Variants in MEIKIN observed in about 807,000 individuals in gnomAD.
MEIKIN encodes meiosis-specific kinetochore protein.
intron 8 of MEIKIN, among the ~76,000 whole-genome samples, chr5:131,905,192 C>T (rs72793241): frequency 0.26 from 39,788 of 151,932 alleles, 5,528 homozygotes; most frequent in East Asian, 0.49. Context: ...TGCTCCTGAA[C>T]GACTTCTGGG....
intron 9 of MEIKIN, among the ~76,000 whole-genome samples, chr5:131,873,531 C>T (rs1042425041): frequency 2.0e-5 from 3 of 152,180 alleles, no homozygotes; most frequent in Non-Finnish European, 4.4e-5. Context: ...GAGACTTAGA[C>T]TCCCACACAA....
At chr5:131,899,709 G>C (rs979527542) in intron 8 of MEIKIN, among the ~76,000 whole-genome samples, 1 of 152,116 alleles carries the variant, frequency 6.6e-6, no homozygotes, top group Non-Finnish European at 1.5e-5. Flanking sequence ...AGACAAAACA[G>C]ATTTCAAGAC....
chr5:131,856,088 T>G (rs1256675078), intron 9 of MEIKIN, among the ~76,000 whole-genome samples: 1 of 152,184 alleles, frequency 6.6e-6, no homozygotes, highest in East Asian at 1.9e-4. Context: ...TAATCTGGAA[T>G]AGTTTATTAG....
intron 9 of MEIKIN, among the ~76,000 whole-genome samples, chr5:131,867,094 T>C (rs1434295446): frequency 6.6e-6 from 1 of 152,212 alleles, no homozygotes; most frequent in Non-Finnish European, 1.5e-5. Flanking sequence ...TCCATGGTCT[T>C]CAACCCATTC....
intron 8 of MEIKIN, among the ~76,000 whole-genome samples, chr5:131,905,100 G>T (rs1294707922): frequency 6.6e-6 from 1 of 152,022 alleles, no homozygotes; most frequent in South Asian, 2.1e-4. Flanking sequence ...TGCACGTTCT[G>T]CACATGTATC....
At chr5:131,885,281 T>G (rs1228950632) in intron 8 of MEIKIN, among the ~76,000 whole-genome samples, 1 of 150,094 alleles carries the variant, frequency 6.7e-6, no homozygotes, top group Non-Finnish European at 1.5e-5. Context: ...GTATTGGGAA[T>G]TGGAGGCCAC....
chr5:131,866,685 G>A (rs1159767380), intron 9 of MEIKIN, among the ~76,000 whole-genome samples: 2 of 152,178 alleles, frequency 1.3e-5, no homozygotes, highest in Non-Finnish European at 2.9e-5. Flanking sequence ...TGCCTCTTCA[G>A]CCCCAGGAGG....
At chr5:131,822,359 TTC>T (rs1312198298) in intron 11 of MEIKIN, among the ~76,000 whole-genome samples, 6 of 152,136 alleles carry the variant, frequency 3.9e-5, no homozygotes, top group African/African-American at 1.4e-4. Flanking sequence ...ACTGACGGTC[TTC>T]TCTTTCTTCT....
chr5:131,870,792 C>A (rs1361030407), intron 9 of MEIKIN, among the ~76,000 whole-genome samples: 1 of 152,174 alleles, frequency 6.6e-6, no homozygotes, highest in Non-Finnish European at 1.5e-5. Flanking sequence ...CTAGTCAAAG[C>A]CACCACTATA....
In MEIKIN at chr5:131,905,994, A is replaced by G. The variant is rs146817897; in HGVS notation, c.703+5821T>C. Among the ~76,000 whole-genome samples the G allele has an allele frequency of 4.0e-3, 609 of 152,342 alleles. 4 individuals carry two copies. The highest frequency in any genetic ancestry group is 0.014 in the African/African-American group (579 of 41,580). On this transcript the variant is annotated intron_variant, in intron 8 of 12. Coordinates refer to ENST00000442687, the MANE Select transcript of MEIKIN (RefSeq NM_001303622.2). ...CAAAGACTTCATAACAATGACGCCAAAAGAAATTGCTATGAGAGCAAAAAT... is the reference window on the plus strand; with the variant it reads ...CAAAGACTTCATAACAATGACGCCAGAAGAAATTGCTATGAGAGCAAAAAT...
intron 12 of MEIKIN, among the ~76,000 whole-genome samples, chr5:131,814,046 T>A (rs1478026746): frequency 1.3e-5 from 2 of 151,950 alleles, no homozygotes; most frequent in Non-Finnish European, 2.9e-5. Context: ...TTTCACATTC[T>A]TCTGCTTGCT....
chr5:131,873,586 T>C lies in MEIKIN; in HGVS notation c.774+5392A>G, dbSNP rs536241697. ...CACCCCACTGTCAACATTAGACAGATCAATGAGACAGAAAGTTAACAAGGA... is the reference window on the plus strand; with the variant it reads ...CACCCCACTGTCAACATTAGACAGACCAATGAGACAGAAAGTTAACAAGGA... On this transcript the variant is annotated intron_variant, in intron 9 of 12. Transcript: ENST00000442687. Among the ~76,000 whole-genome samples, 1,043 of 152,274 alleles carry C rather than the reference T, an allele frequency of 6.8e-3. 3 individuals carry two copies. Among genetic ancestry groups the C allele is most frequent in the Non-Finnish European group, 0.011 (734 of 68,034 alleles).
chr5:131,849,088 G>C (rs1379572614), intron 11 of MEIKIN, among the ~76,000 whole-genome samples: 1 of 152,142 alleles, frequency 6.6e-6, no homozygotes, highest in Non-Finnish European at 1.5e-5. Context: ...GATACGGTTT[G>C]GATTTGTGTC....
At chr5:131,910,353 G>T (rs886844821) in intron 8 of MEIKIN, among the ~76,000 whole-genome samples, 1 of 152,110 alleles carries the variant, frequency 6.6e-6, no homozygotes, top group Non-Finnish European at 1.5e-5. Context: ...TCACTTATTT[G>T]TGGGATCTAA....
chr5:131,890,503 T>C (rs1234207369), intron 8 of MEIKIN, among the ~76,000 whole-genome samples: 5 of 152,236 alleles, frequency 3.3e-5, no homozygotes, highest in East Asian at 1.9e-4. Context: ...TTTATTTGCA[T>C]AGAGGTGTTT....
At chr5:131,882,817 A>G (rs1163075294) in intron 8 of MEIKIN, among the ~76,000 whole-genome samples, 1 of 152,084 alleles carries the variant, frequency 6.6e-6, no homozygotes, top group Non-Finnish European at 1.5e-5. Context: ...CATGCCAAGC[A>G]CATTCCCATC....
rs1750660129 is a variant in MEIKIN, at chr5:131,879,019, C to G, written c.733G>C (p.Glu245Gln). Residue 245 changes from glutamate (E) to glutamine (Q), a missense_variant, in exon 9 of 13, where the codon GAG (glutamate) becomes CAG (glutamine). Transcript: ENST00000442687. ...DNAACEILLA[E>Q]KTCPSTPEKT... ...TCAGGGGTTGAAGGGCAAGTTTTCT[C>G]AGCAAGTAAAATCTCACAAGCTGCA... 1 of 398,454 alleles carries G rather than the reference C, an allele frequency of 2.5e-6. No individual in the cohort carries two copies. Among genetic ancestry groups the G allele is most frequent in the South Asian group, 1.3e-4 (1 of 7,846 alleles). The allele number at this position is 398,454 out of a possible 1,614,324, so 24.7% of individuals were successfully genotyped here. A position where few individuals can be genotyped will look rare whatever the true frequency, so the allele number is the denominator to read the frequency against.
chr5:131,852,756 T>G (rs1279608931), intron 10 of MEIKIN, among the ~76,000 whole-genome samples: 1 of 152,150 alleles, frequency 6.6e-6, no homozygotes, highest in Non-Finnish European at 1.5e-5. Context: ...TTTTTAAGTA[T>G]GCTAAAAACC....
At chr5:131,873,781 T>C (rs922337832) in intron 9 of MEIKIN, among the ~76,000 whole-genome samples, 2 of 152,082 alleles carry the variant, frequency 1.3e-5, no homozygotes, top group Non-Finnish European at 2.9e-5. Flanking sequence ...GAACAGAAAT[T>C]ATAACAAACT....
Sources: allele counts gnomAD v4.1 joint callset (sites outside exome capture counted in the v4.1 genomes callset), GRCh38; gene constraint gnomAD v4.1.1; transcripts MANE v1.5; gene names NCBI Gene and HGNC (gene_info 2026-07-23, HGNC 2026-07-21).